The following NFASC variants were observed in gnomAD, a reference collection of about 807,000 sequenced individuals.
NFASC encodes the protein neurofascin, also known as neurofascin homolog.
Under a neutral mutation model 147.5 loss-of-function variants are expected in NFASC, and 43 were observed. That is an observed-to-expected ratio of 0.29 (90% CI 0.23 to 0.38). NFASC has a LOEUF of 0.38. NFASC is among the 10% of genes least tolerant of loss of function. NFASC has a pLI of 1.00. For synonymous variants in NFASC, 622 were observed against 665.5 expected (o/e 0.93, Z 1.01); for missense variants, 1,320 against 1,689.0 (o/e 0.78, Z 3.83).
intron 27 of NFASC, among the ~76,000 whole-genome samples, chr1:205,003,588 C>G (rs1363491793): frequency 6.4e-4 from 98 of 152,144 alleles, no homozygotes; most frequent in African/African-American, 2.2e-3. Flanking sequence ...AGCCCTGGGG[C>G]TAAGGGTAAG....
chr1:204,980,632 G>A (rs2095493703), intron 20 of NFASC, among the ~76,000 whole-genome samples, 192 bp downstream of exon 20: 1 of 152,150 alleles, frequency 6.6e-6, no homozygotes, highest in South Asian at 2.1e-4. Context: ...CAGGACAAAT[G>A]TCTAAGTGTA....
At chr1:204,995,352 G>GTA (rs1429078162) in intron 24 of NFASC, among the ~76,000 whole-genome samples, 4 of 142,504 alleles carry the variant, frequency 2.8e-5, no homozygotes, top group African/African-American at 1.1e-4. Flanking sequence ...GTGTGTGTGT[G>GTA]TATGTGTGTC....
chr1:204,952,806 C>A (rs1306555327), intron 5 of NFASC, among the ~76,000 whole-genome samples: 1 of 152,224 alleles, frequency 6.6e-6, no homozygotes, highest in Non-Finnish European at 1.5e-5. Context: ...TTTCAGGAGC[C>A]TCATGCAAGA....
At chr1:204,946,826 G>A (rs997700173) in intron 3 of NFASC, 14 of 498,160 alleles carry the variant, frequency 2.8e-5, no homozygotes, top group South Asian at 4.3e-5. Flanking sequence ...CAGACCCCAC[G>A]GGGCATGCTA....
intron 2 of NFASC, among the ~76,000 whole-genome samples, chr1:204,926,559 G>A (rs1329189622): frequency 6.7e-6 from 1 of 149,574 alleles, no homozygotes; most frequent in Non-Finnish European, 1.5e-5. Flanking sequence ...GACCACAGTT[G>A]CGCGCCACCA....
chr1:204,875,612 A>G (rs1444092225), intron 1 of NFASC, among the ~76,000 whole-genome samples: 1 of 152,146 alleles, frequency 6.6e-6, no homozygotes, highest in East Asian at 1.9e-4. Flanking sequence ...GTGCAGTCCA[A>G]TGAGATTGCT....
chr1:204,867,164 A>C (rs1278870291), intron 1 of NFASC, among the ~76,000 whole-genome samples: 1 of 152,196 alleles, frequency 6.6e-6, no homozygotes, highest in Non-Finnish European at 1.5e-5. Context: ...GATTTTGCAG[A>C]AACAGGGAGT....
At chr1:204,878,737 C>T (rs1051178434) in intron 1 of NFASC, among the ~76,000 whole-genome samples, 2 of 152,208 alleles carry the variant, frequency 1.3e-5, no homozygotes, top group African/African-American at 4.8e-5. Context: ...CATGTGGTAG[C>T]AGTTGGTGTG....
At chr1:204,890,123 T>C (rs573886471) in intron 1 of NFASC, among the ~76,000 whole-genome samples, 2 of 152,310 alleles carry the variant, frequency 1.3e-5, no homozygotes, top group South Asian at 4.1e-4. Flanking sequence ...ATTGGTTGAC[T>C]TGCCTGACAG....
intron 1 of NFASC, among the ~76,000 whole-genome samples, chr1:204,860,156 T>C (rs1025456076): frequency 6.6e-6 from 1 of 152,130 alleles, no homozygotes; most frequent in Non-Finnish European, 1.5e-5. Context: ...CCAGGAGAGA[T>C]AGCAGTGATG....
At position 204,901,921 on chromosome 1, in the gene NFASC, G is replaced by A. The variant is rs147282754; in HGVS notation, c.-199-18711G>A. ...AGGCAGACGGATGCGTGAGGGGGCG[G>A]CACCTGTGCAGGTTCTGTTTTGGTG... is the stretch of plus-strand genomic sequence containing the variant. On this transcript the variant is annotated intron_variant, in intron 1 of 29. Transcript: ENST00000339876. Among the ~76,000 whole-genome samples the A allele has an allele frequency of 4.4e-3, 673 of 152,258 alleles. 2 individuals are homozygous for A. In the Middle Eastern group the frequency reaches 0.054, roughly 12 times the overall value.
rs115411479 is a variant in NFASC at position 204,937,768 on chromosome 1, C to T, written c.-90-6458C>T. On this transcript the variant is annotated intron_variant, in intron 2 of 29. Coordinates refer to ENST00000339876, the MANE Select transcript of NFASC (RefSeq NM_001005388.3). ...AGCTGTTAAACATCCACGTGCAGGT[C>T]GGTTGTGTTTTCTCCGTTGCACTTA... Among the ~76,000 whole-genome samples, 165 of 152,296 alleles carry T rather than the reference C, an allele frequency of 1.1e-3. 1 individual carries two copies. The highest frequency in any genetic ancestry group is 3.7e-3 in the African/African-American group (152 of 41,562).
intron 1 of NFASC, among the ~76,000 whole-genome samples, chr1:204,837,292 T>A (rs1216287251): frequency 1.3e-5 from 2 of 152,196 alleles, no homozygotes. Flanking sequence ...GGGTAGGACC[T>A]GAACAGTCAA....
chr1:204,868,536 C>G (rs959491165), intron 1 of NFASC, among the ~76,000 whole-genome samples: 2 of 152,210 alleles, frequency 1.3e-5, no homozygotes, highest in Non-Finnish European at 2.9e-5. Flanking sequence ...CCACATTCCT[C>G]TTTCTGGCTG....
intron 1 of NFASC, among the ~76,000 whole-genome samples, chr1:204,911,623 T>A (rs2087529654): frequency 6.6e-6 from 1 of 152,170 alleles, no homozygotes; most frequent in Admixed American, 6.5e-5. Context: ...TATGTCTGGT[T>A]TTGGTATAAG....
chr1:204,879,259 AT>A (rs2079634673), intron 1 of NFASC, among the ~76,000 whole-genome samples: 1 of 152,258 alleles, frequency 6.6e-6, no homozygotes, highest in African/African-American at 2.4e-5. Context: ...GGACAAAAAA[AT>A]AATAGTGAAT....
At position 204,986,400 on chromosome 1, in the gene NFASC, C is replaced by T. The variant is rs2095616211; in HGVS notation, c.2471-1018C>T. On this transcript the variant is annotated intron_variant, in intron 21 of 29. Transcript: ENST00000339876. The surrounding 1 kb of genome is among the most constrained non-coding windows in gnomAD (Gnocchi z 4.2). Reference sequence around the variant, plus strand: ...CTGATCCCCGAGGGCACGGCGGGCACCTGGGCCACCCCACCACCTTCCGAG... The same window carrying T: ...CTGATCCCCGAGGGCACGGCGGGCATCTGGGCCACCCCACCACCTTCCGAG... Among the ~76,000 whole-genome samples, 2 of 152,232 alleles carry T rather than the reference C, an allele frequency of 1.3e-5. No homozygotes were observed. The highest frequency in any genetic ancestry group is 4.8e-5 in the African/African-American group (2 of 41,454).
intron 1 of NFASC, among the ~76,000 whole-genome samples, chr1:204,852,677 C>T (rs1317685214): frequency 1.3e-5 from 2 of 152,274 alleles, no homozygotes; most frequent in East Asian, 3.9e-4. Flanking sequence ...GCCACATGGG[C>T]AGTATTCCCT....
intron 7 of NFASC, among the ~76,000 whole-genome samples, chr1:204,956,873 C>T (rs957683441): frequency 2.6e-5 from 4 of 151,666 alleles, no homozygotes; most frequent in African/African-American, 9.7e-5. Flanking sequence ...GCCTGGAAAC[C>T]TGGTCTTTTG....
Sources: gnomAD v4.1 joint callset for allele counts (sites outside exome capture counted in the v4.1 genomes callset) on GRCh38, gnomAD v4.1.1 for gene constraint, Gnocchi (gnomAD v3.1) non-coding constraint, MANE v1.5 for transcripts, NCBI Gene and HGNC (gene_info 2026-07-23, HGNC 2026-07-21) for gene names.